ZNF649: variants seen among roughly 807,000 people sequenced by gnomAD.
The protein encoded by ZNF649 is zinc finger protein 649.
Under a neutral mutation model 14.1 loss-of-function variants are expected in ZNF649, and 7 were observed. The ratio of observed to expected loss-of-function variants is 0.49; its 90% CI spans 0.28 to 0.93. The LOEUF is 0.93. ZNF649 is among the 40% of genes least tolerant of loss of function. ZNF649 has a pLI of 0.10. For synonymous variants in ZNF649, 227 were observed against 212.3 expected (o/e 1.07, Z -0.60); for missense variants, 544 against 608.1 (o/e 0.89, Z 1.11).
At chr19:51,892,341 A>T (rs116744442) in intron 4 of ZNF649, among the ~76,000 whole-genome samples, 1,780 of 147,056 alleles carry the variant, frequency 0.012, 35 homozygotes, top group African/African-American at 0.042. Flanking sequence ...GCTCCACTGC[A>T]CTCCAGTCTG....
Position 51,890,867 on chromosome 19 carries a change from A to C in ZNF649, c.1269T>G (p.Thr423=). Reference sequence around the variant, plus strand: ...AGCCATAGGGTCTCTCTCCCGTGTGAGTTCTGTGATGTACAATGAGCATTG... The same window carrying C: ...AGCCATAGGGTCTCTCTCCCGTGTGCGTTCTGTGATGTACAATGAGCATTG... ...TKTMLIVHHR[T]HTGERPYGCD... The change falls in exon 5 of 5, where the codon ACT becomes ACG. Residue 423 remains threonine, a synonymous_variant. Coordinates refer to ENST00000354957, the MANE Select transcript of ZNF649 (RefSeq NM_023074.4). The C allele has an allele frequency of 6.2e-7, 1 of 1,614,214 alleles. No individual in the cohort carries two copies. Among genetic ancestry groups the C allele is most frequent in the Non-Finnish European group, 8.5e-7 (1 of 1,180,040 alleles).
chr19:51,897,598 A>T (rs2085070838), intron 2 of ZNF649, among the ~76,000 whole-genome samples: 1 of 152,238 alleles, frequency 6.6e-6, no homozygotes, highest in Non-Finnish European at 1.5e-5. Context: ...AAAATAAGCC[A>T]TCATACATGT....
intron 1 of ZNF649, chr19:51,904,189 C>A (rs1599891212): frequency 6.6e-6 from 1 of 152,178 alleles, no homozygotes; most frequent in Non-Finnish European, 1.5e-5. Flanking sequence ...CTCTGTTAAT[C>A]TGCTGTGATT....
intron 1 of ZNF649, among the ~76,000 whole-genome samples, chr19:51,900,660 T>C (rs2085089336): frequency 1.3e-5 from 2 of 152,204 alleles, no homozygotes; most frequent in Non-Finnish European, 1.5e-5. Context: ...CAAAACTTAT[T>C]GTCCCATATT....
intron 4 of ZNF649, among the ~76,000 whole-genome samples, chr19:51,895,057 C>T (rs1289568916): frequency 6.6e-6 from 1 of 152,160 alleles, no homozygotes. Flanking sequence ...AGATGTATTT[C>T]AATCTTACAT....
At chr19:51,904,442 G>A (rs893636049) in intron 1 of ZNF649, among the ~76,000 whole-genome samples, 2 of 151,954 alleles carry the variant, frequency 1.3e-5, no homozygotes, top group African/African-American at 4.8e-5. Flanking sequence ...CCAGCCAGGG[G>A]CCTGGGCTTG....
intron 1 of ZNF649, among the ~76,000 whole-genome samples, chr19:51,903,661 A>G (rs1450125696): frequency 1.3e-5 from 2 of 152,176 alleles, no homozygotes; most frequent in Non-Finnish European, 2.9e-5. Flanking sequence ...TCTACTAAAA[A>G]TACAAAAATT....
rs1368187193 is a variant in ZNF649 at position 51,889,918 on chromosome 19, C to A, written c.*700G>T. ...CATTGAACGTAAATGATCTAAATACCCCAGTAAAAAGACAGAGATTGTTAA... is the reference window on the plus strand; with the variant it reads ...CATTGAACGTAAATGATCTAAATACACCAGTAAAAAGACAGAGATTGTTAA... On this transcript the variant is annotated 3_prime_UTR_variant, in exon 5 of 5. Coordinates refer to ENST00000354957, the MANE Select transcript of ZNF649 (RefSeq NM_023074.4). The A allele has an allele frequency of 2.6e-5, 4 of 151,804 alleles. No individual in the cohort carries two copies. The highest frequency in any genetic ancestry group is 7.3e-5 in the African/African-American group (3 of 41,300). 9.4% of individuals were successfully genotyped at this position (151,804 alleles called of 1,614,324 possible).
intron 1 of ZNF649, among the ~76,000 whole-genome samples, chr19:51,902,343 C>T (rs2085099808): frequency 6.6e-6 from 1 of 152,190 alleles, no homozygotes; most frequent in Non-Finnish European, 1.5e-5. Context: ...TCAGTTCAAG[C>T]CTGCCCCCAA....
At chr19:51,897,729 G>A (rs1357297060) in intron 2 of ZNF649, among the ~76,000 whole-genome samples, 1 of 152,148 alleles carries the variant, frequency 6.6e-6, no homozygotes, top group African/African-American at 2.4e-5. Context: ...ACAAGCATTT[G>A]TTAGTGACAT....
At chr19:51,899,697 A>G (rs763690051) in intron 2 of ZNF649, 3 of 175,002 alleles carry the variant, frequency 1.7e-5, no homozygotes, top group Non-Finnish European at 3.6e-5. Flanking sequence ...AGCAAAAAGC[A>G]TCAAACTAAT....
chr19:51,903,664 C>A (rs2085106966), intron 1 of ZNF649, among the ~76,000 whole-genome samples: 1 of 152,086 alleles, frequency 6.6e-6, no homozygotes. Flanking sequence ...ACTAAAAATA[C>A]AAAAATTAGC....
chr19:51,904,632 G>A (rs1365317082), intron 1 of ZNF649, among the ~76,000 whole-genome samples: 1 of 150,996 alleles, frequency 6.6e-6, no homozygotes, highest in Non-Finnish European at 1.5e-5. Flanking sequence ...TGGCGTCGGT[G>A]ATAAAGCCGG....
Position 51,890,861 on chromosome 19 carries a change from C to T in ZNF649, c.1275G>A (p.Thr425=), listed in dbSNP as rs1293667974. The T allele has an allele frequency of 5.6e-6, 9 of 1,614,172 alleles. No homozygotes were observed. Among genetic ancestry groups the T allele is most frequent in the African/African-American group, 1.3e-5 (1 of 75,044 alleles). The change falls in exon 5 of 5, where the codon ACG becomes ACA. Residue 425 remains threonine (T), a synonymous_variant. Coordinates refer to ENST00000354957, the MANE Select transcript of ZNF649 (RefSeq NM_023074.4). ...CATCACAGCCATAGGGTCTCTCTCC[C>T]GTGTGAGTTCTGTGATGTACAATGA... ...TMLIVHHRTH[T]GERPYGCDEC...
chr19:51,904,964 C>A lies in ZNF649; in HGVS notation c.-238G>T, dbSNP rs7257759. On this transcript the variant is annotated 5_prime_UTR_variant, in exon 1 of 5. Coordinates refer to ENST00000354957, the MANE Select transcript of ZNF649 (RefSeq NM_023074.4). The stretch of plus-strand genomic sequence containing the variant: ...ATTCCCTGAATGCTTCCTTTCCTGG[C>A]CCTTAAACCCCGGCACTGGCCTATG... The A allele has an allele frequency of 0.095, 14,448 of 152,396 alleles. 2,135 individuals are homozygous for A. Among genetic ancestry groups the A allele is most frequent in the African/African-American group, 0.32 (13,144 of 41,400 alleles). 9.4% of individuals were successfully genotyped at this position (152,396 alleles called of 1,614,324 possible).
At chr19:51,894,488 C>G (rs2085046919) in intron 4 of ZNF649, among the ~76,000 whole-genome samples, 1 of 152,182 alleles carries the variant, frequency 6.6e-6, no homozygotes, top group East Asian at 1.9e-4. Context: ...AGTTCTACAA[C>G]TTCTTGTCAT....
Position 51,891,646 on chromosome 19 carries a change from G to A in ZNF649, c.490C>T (p.Gln164Ter), listed in dbSNP as rs1202568137. Residue 164 changes from glutamine (Q) to a stop codon, truncating the protein, a stop_gained, in exon 5 of 5, where the codon CAA (glutamine) becomes TAA (stop). Transcript: ENST00000354957. LOFTEE classifies it low-confidence loss of function (END_TRUNC). The surrounding 1 kb of genome is among the most constrained non-coding windows in gnomAD (Gnocchi z 4.2). ...TGTGTTTGCTGATGTTTAAGGAATTGTGACTTGGTGCTGATGGGTTTTCTA... is the reference window on the plus strand; with the variant it reads ...TGTGTTTGCTGATGTTTAAGGAATTATGACTTGGTGCTGATGGGTTTTCTA... ...ESRKPISTKSQFLKHQQTHNI... is the reference protein window; with the variant it reads ...ESRKPISTKS 1 of 1,614,110 alleles carries A rather than the reference G, an allele frequency of 6.2e-7. No individual in the cohort carries two copies. Among genetic ancestry groups the A allele is most frequent in the Non-Finnish European group, 8.5e-7 (1 of 1,180,034 alleles).
At chr19:51,900,063 G>A (rs758301048) in intron 2 of ZNF649, 30 bp downstream of exon 2, 8 of 1,480,248 alleles carry the variant, frequency 5.4e-6, no homozygotes, top group African/African-American at 4.2e-5. Context: ...TCAGGGAATC[G>A]AGTTAAGAAT....
intron 2 of ZNF649, among the ~76,000 whole-genome samples, chr19:51,898,116 CTA>C (rs909538979): frequency 3.7e-4 from 45 of 121,986 alleles, no homozygotes; most frequent in African/African-American, 1.4e-3. Flanking sequence ...AAAAAAAAAA[CTA>C]TGAATCTGTG....
Sources: gnomAD v4.1 joint callset for allele counts (sites outside exome capture counted in the v4.1 genomes callset) on GRCh38, gnomAD v4.1.1 for gene constraint, Gnocchi (gnomAD v3.1) non-coding constraint, MANE v1.5 for transcripts, NCBI Gene and HGNC (gene_info 2026-07-23, HGNC 2026-07-21) for gene names.